Variants in FAP observed in about 807,000 individuals in gnomAD.
FAP encodes prolyl endopeptidase FAP.
In FAP, 110 loss-of-function variants were observed where a neutral mutation model predicts 126.5. That is an observed-to-expected ratio of 0.87 (90% CI 0.74 to 1.02). FAP has a LOEUF of 1.02. Among genes scored for constraint, FAP ranks in the 50% least tolerant of loss-of-function variants. FAP has a pLI of 0.00. For missense variants in FAP, 919 were observed against 909.2 expected (o/e 1.01, Z -0.14); for synonymous variants, 334 against 297.3 (o/e 1.12, Z -1.27).
chr2:162,218,053 G>T lies in FAP; in HGVS notation c.695C>A (p.Pro232Gln), dbSNP rs1316966577. 6.2e-7 allele frequency: 1 copy of T among 1,603,866 alleles called. No homozygotes were observed. The highest frequency in any genetic ancestry group is 8.5e-7 in the Non-Finnish European group (1 of 1,173,346). ...GCCATAATAGGAATAGGCAATAACT[G>T]GTATATCCGTATCATTAAATTCCGC... ...AYAEFNDTDI[P>Q]VIAYSYYGDE... Residue 232 changes from proline (P) to glutamine (Q), a missense_variant, in exon 9 of 26, where the codon CCA becomes CAA. Physicochemically the swap from Pro to Gln is moderately conservative, Grantham distance 76. Transcript: ENST00000188790.
At chr2:162,230,875 C>T (rs1689870048) in intron 2 of FAP, among the ~76,000 whole-genome samples, 1 of 152,128 alleles carries the variant, frequency 6.6e-6, no homozygotes, top group Non-Finnish European at 1.5e-5. Flanking sequence ...GCTCAATGCA[C>T]TCCTGTGCCT....
chr2:162,217,303 T>A (rs896225434), intron 9 of FAP, among the ~76,000 whole-genome samples: 1 of 152,198 alleles, frequency 6.6e-6, no homozygotes, highest in African/African-American at 2.4e-5. Flanking sequence ...GTGCAAGAGG[T>A]AAATTTGTAC....
intron 19 of FAP, 36 bp from the exon 20 acceptor site, chr2:162,188,399 T>C (rs2106226990): frequency 6.3e-7 from 1 of 1,581,484 alleles, no homozygotes; most frequent in Admixed American, 1.7e-5. Context: ...AATCTTTGAT[T>C]GCTTTGTAAA....
intron 2 of FAP, among the ~76,000 whole-genome samples, chr2:162,241,635 A>G (rs11886710): frequency 0.051 from 7,770 of 152,240 alleles, 560 homozygotes; most frequent in Admixed American, 0.22. Context: ...CATTCAAAGG[A>G]TCTATATGAC....
At chr2:162,214,817 A>G (rs1488477853) in intron 10 of FAP, among the ~76,000 whole-genome samples, 3 of 152,096 alleles carry the variant, frequency 2.0e-5, no homozygotes, top group Non-Finnish European at 4.4e-5. Context: ...CTATTTTTAT[A>G]TAAAATCAGA....
At chr2:162,216,053 C>T in intron 9 of FAP, 52 bp from the exon 10 acceptor site, 2 of 1,305,062 alleles carry the variant, frequency 1.5e-6, no homozygotes, top group Non-Finnish European at 2.2e-6. Context: ...TTATCACCAA[C>T]ATTTTAAAGA....
chr2:162,239,367 T>G (rs1189157327), intron 2 of FAP, among the ~76,000 whole-genome samples: 1 of 152,070 alleles, frequency 6.6e-6, no homozygotes, highest in Non-Finnish European at 1.5e-5. Flanking sequence ...CACTCAGCCT[T>G]ATTCTCCATT....
At chr2:162,208,558 T>A (rs1688800376) in intron 12 of FAP, among the ~76,000 whole-genome samples, 1 of 152,192 alleles carries the variant, frequency 6.6e-6, no homozygotes, top group Admixed American at 6.5e-5. Context: ...TATAGTATCA[T>A]CTTGGAGAAC....
rs148136408 is a variant in FAP at position 162,206,167 on chromosome 2, A to G, written c.1048-3022T>C. Among the ~76,000 whole-genome samples, 599 of 152,310 alleles carry G rather than the reference A, an allele frequency of 3.9e-3. 6 individuals are homozygous for G. The Middle Eastern group carries it at 0.048, about 12-fold the overall frequency. On this transcript the variant is annotated intron_variant, in intron 12 of 25. Transcript: ENST00000188790. ...GATGAACAGGTAACTTGGGTGAGGT[A>G]AAGAGAGTGTGAAATATGTCCACAT...
Position 162,222,146 on chromosome 2 carries a change from C to T in FAP, c.413+1462G>A, listed in dbSNP as rs58089668. On this transcript the variant is annotated intron_variant, in intron 6 of 25. Coordinates refer to ENST00000188790, the MANE Select transcript of FAP (RefSeq NM_004460.5). ...TCTTTTTGAATGCTGTTCAATTTGG[C>T]GAGCCTCACAAAAGAATTTCAAAAT... Among the ~76,000 whole-genome samples the T allele has an allele frequency of 1.4e-3, 213 of 152,168 alleles. 5 individuals carry two copies. In the East Asian group the frequency reaches 0.026, roughly 19 times the overall value.
At position 162,218,074 on chromosome 2, in the gene FAP, T is replaced by A. The variant is rs757237068; in HGVS notation, c.674A>T (p.Glu225Val). The stretch of plus-strand genomic sequence containing the variant: ...AACTGGTATATCCGTATCATTAAAT[T>A]CCGCATATGCCAAAAATTTTCCATT... ...SPNGKFLAYA[E>V]FNDTDIPVIA... Residue 225 changes from glutamate to valine, a missense_variant, in exon 9 of 26, where the codon GAA becomes GTA. Physicochemically the swap from Glu to Val is moderately radical, Grantham distance 121. Coordinates refer to ENST00000188790, the MANE Select transcript of FAP (RefSeq NM_004460.5). 9.3e-6 allele frequency: 15 copies of A among 1,609,478 alleles called. No individual in the cohort carries two copies. In the South Asian group the frequency reaches 1.7e-4, roughly 18 times the overall value.
chr2:162,182,309 CTTAAAA>C (rs1215678437), intron 21 of FAP, among the ~76,000 whole-genome samples: 1 of 152,076 alleles, frequency 6.6e-6, no homozygotes, highest in Non-Finnish European at 1.5e-5. Context: ...ACATGTTCAA[CTTAAAA>C]TTAGAATCTT....
intron 6 of FAP, among the ~76,000 whole-genome samples, chr2:162,222,047 G>C (rs957345707): frequency 1.3e-5 from 2 of 151,786 alleles, no homozygotes; most frequent in African/African-American, 4.8e-5. Context: ...ATTCACTGCA[G>C]AGAATCTAAA....
At chr2:162,225,307 A>T (rs1195750931) in intron 4 of FAP, among the ~76,000 whole-genome samples, 176 bp downstream of exon 4, 1 of 152,166 alleles carries the variant, frequency 6.6e-6, no homozygotes, top group Non-Finnish European at 1.5e-5. Flanking sequence ...GATTTACAAG[A>T]AGGCAAAGAC....
At chr2:162,175,190 C>A in intron 21 of FAP, 1 of 324,952 alleles carries the variant, frequency 3.1e-6, no homozygotes, top group Non-Finnish European at 5.7e-6. Flanking sequence ...GTGTGCTGAT[C>A]AGAACAGACC....
intron 1 of FAP, 56 bp from the exon 2 acceptor site, chr2:162,243,048 T>C (rs1690418192): frequency 7.1e-7 from 1 of 1,406,512 alleles, no homozygotes; most frequent in African/African-American, 1.4e-5. Flanking sequence ...ATAGTAGAAA[T>C]GGCAAGATTT....
At chr2:162,208,213 G>C (rs1467116056) in intron 12 of FAP, among the ~76,000 whole-genome samples, 1 of 150,338 alleles carries the variant, frequency 6.7e-6, no homozygotes, top group Non-Finnish European at 1.5e-5. Context: ...CCGAGATCGC[G>C]CCACTGCACT....
rs761002539 is a variant in FAP at position 162,198,757 on chromosome 2, C to A, written c.1402G>T (p.Gly468Cys). ...YAKYYALVCY[G>C]PGIPISTLHD... ...TGCTTATGTGAGGTCCGTTACCTAC[C>A]GTAGCAGACAAGTGCATAGTACTTG... Residue 468 changes from glycine to cysteine, a missense_variant and splice_region_variant, in exon 16 of 26, where the codon GGC becomes TGC. Gly to Cys is a radical substitution (Grantham distance 159). Coordinates refer to ENST00000188790, the MANE Select transcript of FAP (RefSeq NM_004460.5). 1 of 1,613,988 alleles carries A rather than the reference C, an allele frequency of 6.2e-7. No individual in the cohort carries two copies. Among genetic ancestry groups the A allele is most frequent in the East Asian group, 2.2e-5 (1 of 44,878 alleles).
Position 162,183,256 on chromosome 2 carries a change from C to T in FAP, c.1869+158G>A, listed in dbSNP as rs148046977. Among the ~76,000 whole-genome samples the T allele has an allele frequency of 3.9e-5, 6 of 152,180 alleles. No homozygotes were observed. In the East Asian group the frequency reaches 1.2e-3, roughly 29 times the overall value. ...AAAAAGGAACAAACACTTAAAACCA[C>T]CATTTTGAAGCCCAGATTATCCAAA... On this transcript the variant is annotated intron_variant, in intron 21 of 25. Coordinates refer to ENST00000188790, the MANE Select transcript of FAP (RefSeq NM_004460.5).
Sources: allele counts gnomAD v4.1 joint callset (sites outside exome capture counted in the v4.1 genomes callset), GRCh38; gene constraint gnomAD v4.1.1; transcripts MANE v1.5; gene names NCBI Gene and HGNC (gene_info 2026-07-23, HGNC 2026-07-21).